Variants in P2RY12 observed in about 807,000 individuals in gnomAD.
P2RY12 encodes the protein purinergic receptor P2Y12, also known as P2Y purinoceptor 12.
In P2RY12, 3 loss-of-function variants were observed where a neutral mutation model predicts 4.5. The observed-to-expected ratio is 0.67, with a 90% confidence interval of 0.31 to 1.74. The LOEUF (loss-of-function observed/expected upper bound fraction) is 1.74. Among genes scored for constraint, P2RY12 ranks in the 40% most tolerant of loss-of-function variants. P2RY12 has a pLI of 0.09. For missense variants in P2RY12, 356 were observed against 407.8 expected (o/e 0.87, Z 1.09); for synonymous variants, 148 against 154.1 (o/e 0.96, Z 0.29).
chr3:151,358,281 A>T (rs1266895577), intron 1 of P2RY12, among the ~76,000 whole-genome samples: 1 of 152,160 alleles, frequency 6.6e-6, no homozygotes, highest in Non-Finnish European at 1.5e-5. Context: ...GAATATTTAC[A>T]TATTAGAATT....
At chr3:151,357,323 C>T (rs1277412059) in intron 1 of P2RY12, 1 of 1,613,798 alleles carries the variant, frequency 6.2e-7, no homozygotes, top group East Asian at 2.2e-5. Flanking sequence ...TTCTCAGGCG[C>T]TATCACAGTT....
intron 1 of P2RY12, among the ~76,000 whole-genome samples, chr3:151,349,600 A>G (rs776234886): frequency 5.7e-4 from 86 of 151,818 alleles, no homozygotes; most frequent in Non-Finnish European, 4.4e-5. Flanking sequence ...TATTTTTTAT[A>G]AAGGTGTTTG....
intron 1 of P2RY12, among the ~76,000 whole-genome samples, chr3:151,371,648 G>C (rs1039119081): frequency 1.3e-5 from 2 of 152,090 alleles, no homozygotes; most frequent in African/African-American, 4.8e-5. Flanking sequence ...TTGCCCACTT[G>C]CTGCAAGCAG....
rs1352900973 is a variant in P2RY12 at position 151,363,936 on chromosome 3, T to G, written c.-180+20756A>C. 3.9e-5 allele frequency among the ~76,000 whole-genome samples: 6 copies of G among 152,276 alleles called. No homozygotes were observed. In the South Asian group the frequency reaches 1.0e-3, roughly 26 times the overall value. ...GCAATAGTTTAGAATAGAGAGTCTT[T>G]GTGACTTTTCATCTTCGAGGGACTC... On this transcript the variant is annotated intron_variant, in intron 1 of 2. Transcript: ENST00000302632.
At chr3:151,343,901 C>G (rs535661293) in intron 1 of P2RY12, among the ~76,000 whole-genome samples, 1 of 152,210 alleles carries the variant, frequency 6.6e-6, no homozygotes, top group South Asian at 2.1e-4. Context: ...AGCTCTTAGG[C>G]TGTTTTAGTT....
chr3:151,352,399 A>T (rs181415462), intron 1 of P2RY12, among the ~76,000 whole-genome samples: 164 of 152,344 alleles, frequency 1.1e-3, no homozygotes, highest in Non-Finnish European at 1.3e-4. Flanking sequence ...CATTTTAGAT[A>T]AAGTTCCTTA....
chr3:151,342,836 AAAT>A (rs1752042442), intron 1 of P2RY12, among the ~76,000 whole-genome samples: 1 of 152,198 alleles, frequency 6.6e-6, no homozygotes, highest in Non-Finnish European at 1.5e-5. Flanking sequence ...TATGTACTTC[AAAT>A]AATAATTGTC....
At chr3:151,363,563 A>G (rs922500075) in intron 1 of P2RY12, among the ~76,000 whole-genome samples, 19 of 152,196 alleles carry the variant, frequency 1.2e-4, no homozygotes, top group African/African-American at 4.6e-4. Flanking sequence ...GAAACTGAAA[A>G]TGTCATGACT....
chr3:151,378,562 G>A (rs1171255685), intron 1 of P2RY12, among the ~76,000 whole-genome samples: 1 of 151,912 alleles, frequency 6.6e-6, no homozygotes. Flanking sequence ...GCATGTTGGT[G>A]TCTGAACTAG....
chr3:151,379,642 A>C (rs1711880462), intron 1 of P2RY12, among the ~76,000 whole-genome samples: 1 of 152,184 alleles, frequency 6.6e-6, no homozygotes. Flanking sequence ...GGTCTTGGGA[A>C]ATGTGCTGAA....
At chr3:151,369,050 C>T (rs539108487) in intron 1 of P2RY12, among the ~76,000 whole-genome samples, 4 of 152,132 alleles carry the variant, frequency 2.6e-5, no homozygotes, top group South Asian at 4.1e-4. Context: ...CGTGAGCCAC[C>T]GCACCCATCC....
chr3:151,347,384 T>C (rs921352841), intron 1 of P2RY12, among the ~76,000 whole-genome samples: 2 of 152,182 alleles, frequency 1.3e-5, no homozygotes, highest in Middle Eastern at 3.2e-3. Context: ...AAAACAGACA[T>C]GGAGTCTTCC....
chr3:151,358,686 T>G (rs1754238397), intron 1 of P2RY12, among the ~76,000 whole-genome samples: 2 of 152,162 alleles, frequency 1.3e-5, no homozygotes, highest in Admixed American at 6.5e-5. Context: ...ACATTAACTT[T>G]GTTGTATTTT....
intron 1 of P2RY12, chr3:151,360,427 C>A: frequency 6.3e-7 from 1 of 1,576,080 alleles, no homozygotes; most frequent in Non-Finnish European, 8.7e-7. Context: ...TGATAACCCA[C>A]ATAGTACAAA....
intron 1 of P2RY12, chr3:151,380,254 A>C (rs1421823544): frequency 1.4e-6 from 2 of 1,387,364 alleles, no homozygotes; most frequent in Non-Finnish European, 2.0e-6. Flanking sequence ...TAAGACAGGC[A>C]AATATCTTTC....
At chr3:151,370,395 G>A (rs938178193) in intron 1 of P2RY12, among the ~76,000 whole-genome samples, 1 of 152,060 alleles carries the variant, frequency 6.6e-6, no homozygotes, top group African/African-American at 2.4e-5. Flanking sequence ...AACATGTTTT[G>A]GGCTATAATC....
At chr3:151,383,867 C>T (rs932329605) in intron 1 of P2RY12, 3 of 1,613,342 alleles carry the variant, frequency 1.9e-6, no homozygotes, top group Non-Finnish European at 1.7e-6. Flanking sequence ...ACTTCAGGAA[C>T]TGTTGACATG....
At chr3:151,382,977 T>TCTCTAC (rs1712669984) in intron 1 of P2RY12, among the ~76,000 whole-genome samples, 1 of 152,188 alleles carries the variant, frequency 6.6e-6, no homozygotes, top group African/African-American at 2.4e-5. Flanking sequence ...AGATTTGCCT[T>TCTCTAC]CTCTACCTCT....
chr3:151,357,416 G>C (rs1318333184), intron 1 of P2RY12: 14 of 1,521,640 alleles, frequency 9.2e-6, no homozygotes, highest in Middle Eastern at 1.8e-4. Flanking sequence ...TCCAATCTCA[G>C]AATGTATAAC....
Sources: gnomAD v4.1 joint callset for allele counts (sites outside exome capture counted in the v4.1 genomes callset) on GRCh38, gnomAD v4.1.1 for gene constraint, MANE v1.5 for transcripts, NCBI Gene and HGNC (gene_info 2026-07-23, HGNC 2026-07-21) for gene names.